ZFYVE9: variants seen among roughly 807,000 people sequenced by gnomAD.
ZFYVE9 encodes the protein zinc finger FYVE-type containing 9, also known as zinc finger FYVE domain-containing protein 9.
ZFYVE9 carries 43 observed loss-of-function variants against 126.7 expected under a neutral mutation model. That is an observed-to-expected ratio of 0.34 (90% CI 0.27 to 0.44). The LOEUF is 0.44. ZFYVE9 is among the 20% of genes least tolerant of loss of function. The pLI, the probability that ZFYVE9 is intolerant of heterozygous loss-of-function variation, is 1.00. For synonymous variants in ZFYVE9, 521 were observed against 597.4 expected (o/e 0.87, Z 1.87); for missense variants, 1,476 against 1,697.0 (o/e 0.87, Z 2.29).
chr1:52,315,017 C>T (rs1198378139), intron 13 of ZFYVE9, among the ~76,000 whole-genome samples: 1 of 151,768 alleles, frequency 6.6e-6, no homozygotes, highest in African/African-American at 2.4e-5. Flanking sequence ...ATGTAAAGTC[C>T]ATCAAGGAGA....
chr1:52,310,724 T>C (rs1028795053), intron 13 of ZFYVE9, among the ~76,000 whole-genome samples: 9 of 152,214 alleles, frequency 5.9e-5, no homozygotes, highest in Non-Finnish European at 1.2e-4. Context: ...TTAAAGTGAT[T>C]GTATGTGGTT....
intron 1 of ZFYVE9, among the ~76,000 whole-genome samples, chr1:52,193,393 CA>C (rs397863555): frequency 0.8 from 76,716 of 95,790 alleles, 30,527 homozygotes; most frequent in Middle Eastern, 0.88. Flanking sequence ...TTGTCAGTAT[CA>C]AAAAAAAAAA....
At chr1:52,178,819 T>C (rs1263443262) in intron 1 of ZFYVE9, among the ~76,000 whole-genome samples, 2 of 152,072 alleles carry the variant, frequency 1.3e-5, no homozygotes, top group Non-Finnish European at 1.5e-5. Flanking sequence ...TAATTACTTA[T>C]TTATGAGACA....
At chr1:52,277,089 A>G (rs1314257165) in intron 8 of ZFYVE9, among the ~76,000 whole-genome samples, 1 of 152,246 alleles carries the variant, frequency 6.6e-6, no homozygotes, top group Admixed American at 6.5e-5. Flanking sequence ...TACTGTTAGT[A>G]AAATTGCTGC....
intron 13 of ZFYVE9, among the ~76,000 whole-genome samples, chr1:52,310,343 A>T (rs140832547): frequency 1.3e-5 from 2 of 152,328 alleles, no homozygotes; most frequent in Non-Finnish European, 2.9e-5. Flanking sequence ...TATTCTAAGC[A>T]TATATGTATC....
At chr1:52,330,462 A>T (rs1182828952) in intron 13 of ZFYVE9, among the ~76,000 whole-genome samples, 4 of 152,090 alleles carry the variant, frequency 2.6e-5, no homozygotes, top group African/African-American at 9.7e-5. Context: ...ATTATATGCT[A>T]AACAAAGGGT....
intron 1 of ZFYVE9, chr1:52,150,442 T>C (rs1434859389): frequency 6.7e-6 from 1 of 149,074 alleles, no homozygotes; most frequent in Non-Finnish European, 1.5e-5. Flanking sequence ...AGATAGATGA[T>C]AGATGATAGC....
At chr1:52,250,447 A>G (rs1477969444) in intron 4 of ZFYVE9, among the ~76,000 whole-genome samples, 1 of 152,050 alleles carries the variant, frequency 6.6e-6, no homozygotes, top group African/African-American at 2.4e-5. Flanking sequence ...AATGCAATGG[A>G]CTTTTTTGTT....
At chr1:52,152,802 T>C (rs1168482061) in intron 1 of ZFYVE9, among the ~76,000 whole-genome samples, 3 of 152,164 alleles carry the variant, frequency 2.0e-5, no homozygotes, top group African/African-American at 4.8e-5. Flanking sequence ...AACAGATACA[T>C]GTAAAGAGCT....
At chr1:52,337,725 G>A in intron 15 of ZFYVE9, 47 bp from the exon 16 acceptor site, 1 of 1,594,442 alleles carries the variant, frequency 6.3e-7, no homozygotes, top group Non-Finnish European at 8.6e-7. Context: ...TAGATGCCAG[G>A]TGCTGTGTTT....
At chr1:52,219,097 A>G (rs1052513973) in intron 2 of ZFYVE9, among the ~76,000 whole-genome samples, 1 of 151,964 alleles carries the variant, frequency 6.6e-6, no homozygotes, top group Admixed American at 6.6e-5. Context: ...CAACTATAAC[A>G]TAACCCCTGG....
At chr1:52,344,981 T>C (rs377428607) in intron 18 of ZFYVE9, 37 bp downstream of exon 18, 20 of 1,606,758 alleles carry the variant, frequency 1.2e-5, no homozygotes, top group Non-Finnish European at 1.6e-5. Context: ...AAGCTGGCCT[T>C]GGGCAACGTC....
At chr1:52,217,217 G>A (rs1645080042) in intron 2 of ZFYVE9, among the ~76,000 whole-genome samples, 1 of 152,170 alleles carries the variant, frequency 6.6e-6, no homozygotes, top group African/African-American at 2.4e-5. Flanking sequence ...TATTGGCTAG[G>A]GTTGGATTGC....
chr1:52,256,654 T>A (rs1438855265), intron 4 of ZFYVE9, among the ~76,000 whole-genome samples: 1 of 151,560 alleles, frequency 6.6e-6, no homozygotes, highest in African/African-American at 2.4e-5. Context: ...TAACCCTTTC[T>A]GTAATGGACA....
Position 52,238,358 on chromosome 1 carries a change from G to C in ZFYVE9, c.941G>C (p.Ser314Thr). The change falls in exon 4 of 19, where the codon AGT becomes ACT. Residue 314 changes from serine to threonine, a missense_variant. Transcript: ENST00000287727. ...LGSPNSFSHMSEGILMKKEPA... is the reference protein window; with the variant it reads ...LGSPNSFSHMTEGILMKKEPA... The stretch of plus-strand genomic sequence containing the variant: ...AGTCCAAATTCCTTTTCCCACATGA[G>C]TGAGGGGATTTTGATGAAAAAAGAG... The C allele has an allele frequency of 6.2e-7, 1 of 1,613,806 alleles. No individual in the cohort carries two copies. The highest frequency in any genetic ancestry group is 8.5e-7 in the Non-Finnish European group (1 of 1,179,968).
Position 52,204,630 on chromosome 1 carries a change from G to C in ZFYVE9, c.-142-11739G>C, listed in dbSNP as rs546067624. ...TAATCCCAGCTACTCAAGAGGCTGA[G>C]GTGGGAGGATCACTTGAACCCAGGA... On this transcript the variant is annotated intron_variant, in intron 1 of 18. Transcript: ENST00000287727. Among the ~76,000 whole-genome samples, 200 of 152,262 alleles carry C rather than the reference G, an allele frequency of 1.3e-3. 1 individual carries two copies. The highest frequency in any genetic ancestry group is 2.1e-3 in the Non-Finnish European group (146 of 68,022).
chr1:52,194,742 G>A (rs1190611787), intron 1 of ZFYVE9, among the ~76,000 whole-genome samples: 1 of 152,100 alleles, frequency 6.6e-6, no homozygotes, highest in African/African-American at 2.4e-5. Flanking sequence ...TTTATTGCAC[G>A]TTAAAGGGTA....
At chr1:52,294,024 A>G (rs1645950108) in intron 11 of ZFYVE9, among the ~76,000 whole-genome samples, 1 of 152,184 alleles carries the variant, frequency 6.6e-6, no homozygotes, top group African/African-American at 2.4e-5. Context: ...GTTACGATCA[A>G]TTATATTTTA....
rs546373267 is a variant in ZFYVE9 at position 52,242,836 on chromosome 1, T to G, written c.2178+3241T>G. Among the ~76,000 whole-genome samples the G allele has an allele frequency of 1.9e-4, 29 of 152,346 alleles. No homozygotes were observed. In the South Asian group the frequency reaches 2.7e-3, roughly 14 times the overall value. Reference sequence around the variant, plus strand: ...GTAATTGATATTGTGATTTTAGCCATCTGGCATGAAAAAAACAGAACCAAC... The same window carrying G: ...GTAATTGATATTGTGATTTTAGCCAGCTGGCATGAAAAAAACAGAACCAAC... On this transcript the variant is annotated intron_variant, in intron 4 of 18. Transcript: ENST00000287727.
Sources: allele counts gnomAD v4.1 joint callset (sites outside exome capture counted in the v4.1 genomes callset), GRCh38; gene constraint gnomAD v4.1.1; transcripts MANE v1.5; gene names NCBI Gene and HGNC (gene_info 2026-07-23, HGNC 2026-07-21).